The following NOL10 variants were observed in gnomAD, a reference collection of about 807,000 sequenced individuals.
NOL10 encodes nucleolar protein 10.
NOL10 carries 58 observed loss-of-function variants against 103.5 expected under a neutral mutation model. The ratio of observed to expected loss-of-function variants is 0.56; its 90% confidence interval spans 0.45 to 0.70. The LOEUF (loss-of-function observed/expected upper bound fraction) is 0.70. NOL10 is among the 30% of genes least tolerant of loss of function. The probability of loss-of-function intolerance (pLI) is 0.00; values close to 1 mark genes in which losing one functional copy is unlikely to be tolerated. For synonymous variants in NOL10, 287 were observed against 282.5 expected (o/e 1.02, Z -0.16); for missense variants, 763 against 807.3 (o/e 0.95, Z 0.67).
At chr2:10,678,213 TA>T (rs1302132508) in intron 3 of NOL10, among the ~76,000 whole-genome samples, 3 of 131,538 alleles carry the variant, frequency 2.3e-5, no homozygotes, top group African/African-American at 9.6e-5. Context: ...CACTTTCAGC[TA>T]ATTTTTTTTT....
At chr2:10,605,546 G>A (rs1047613356) in intron 14 of NOL10, among the ~76,000 whole-genome samples, 23 of 152,152 alleles carry the variant, frequency 1.5e-4, no homozygotes, top group African/African-American at 4.8e-4. Flanking sequence ...TTAAAAATGA[G>A]CAGTACAATT....
At chr2:10,666,179 G>A (rs1680555873) in intron 8 of NOL10, among the ~76,000 whole-genome samples, 1 of 152,134 alleles carries the variant, frequency 6.6e-6, no homozygotes, top group Non-Finnish European at 1.5e-5. Flanking sequence ...TAGGGTAACA[G>A]CCTCCAGCTG....
intron 17 of NOL10, among the ~76,000 whole-genome samples, chr2:10,595,749 TAC>T (rs1675654878): frequency 6.6e-6 from 1 of 151,618 alleles, no homozygotes; most frequent in Non-Finnish European, 1.5e-5. Flanking sequence ...GGATTACAGG[TAC>T]GCACCACCAC....
intron 19 of NOL10, 87 bp from the exon 20 acceptor site, chr2:10,577,825 G>A (rs1261555024): frequency 3.2e-5 from 27 of 836,346 alleles, no homozygotes; most frequent in African/African-American, 3.4e-5. Context: ...AATTGATAGC[G>A]AAGAAAAATG....
intron 3 of NOL10, among the ~76,000 whole-genome samples, chr2:10,679,220 G>A (rs566849754): frequency 1.3e-5 from 2 of 152,062 alleles, no homozygotes; most frequent in South Asian, 2.1e-4. Flanking sequence ...TTAGCCGGGC[G>A]TGGTGGTGCA....
At position 10,623,976 on chromosome 2, in the gene NOL10, C is replaced by T. The variant is rs559531695; in HGVS notation, c.1027-16665G>A. ...TACAAAAAGGTCTTTATTCTTGTTG[C>T]ACAGCTGTTGTTTGGGGACTTCCCT... is the stretch of plus-strand genomic sequence containing the variant. On this transcript the variant is annotated intron_variant, in intron 13 of 20. Coordinates refer to ENST00000381685, the MANE Select transcript of NOL10 (RefSeq NM_024894.4). 3.3e-5 allele frequency among the ~76,000 whole-genome samples: 5 copies of T among 152,284 alleles called. No individual in the cohort carries two copies. In the South Asian group the frequency reaches 1.0e-3, roughly 32 times the overall value.
intron 9 of NOL10, among the ~76,000 whole-genome samples, chr2:10,661,069 AAC>A (rs911336990): frequency 6.6e-6 from 1 of 152,066 alleles, no homozygotes; most frequent in Non-Finnish European, 1.5e-5. Flanking sequence ...ACGATGTGGT[AAC>A]ACTTTATTTA....
At chr2:10,642,321 A>G (rs1345527575) in intron 13 of NOL10, among the ~76,000 whole-genome samples, 3 of 152,208 alleles carry the variant, frequency 2.0e-5, no homozygotes, top group East Asian at 3.9e-4. Context: ...AAGAGCCACA[A>G]CTACTAGAAA....
chr2:10,679,729 G>A lies in NOL10; in HGVS notation c.211+2242C>T, dbSNP rs562617846. 5.9e-5 allele frequency among the ~76,000 whole-genome samples: 9 copies of A among 152,164 alleles called. No individual in the cohort carries two copies. In the South Asian group the frequency reaches 1.7e-3, roughly 28 times the overall value. Reference sequence around the variant, plus strand: ...CAACCTCCGCCACATGGGTTCAAGCGATTCTCATGCCTCAGCCTCCAAGTA... The same window carrying A: ...CAACCTCCGCCACATGGGTTCAAGCAATTCTCATGCCTCAGCCTCCAAGTA... On this transcript the variant is annotated intron_variant, in intron 3 of 20. Transcript: ENST00000381685.
chr2:10,607,185 C>A lies in NOL10; in HGVS notation c.1153G>T (p.Gly385Trp). The stretch of plus-strand genomic sequence containing the variant: ...TATTTCATCACAATTTTTTTTTTAC[C>A]TAAATTTTCAAGGTCTTTCTTGGTG... ...FVTKKDLENL[G>W]LTHLIGSPFL... Residue 385 changes from glycine to tryptophan, a missense_variant and splice_region_variant, in exon 14 of 21, where the codon GGG becomes TGG. Gly to Trp is a radical substitution (Grantham distance 184). Transcript: ENST00000381685. The A allele has an allele frequency of 2.0e-6, 3 of 1,524,152 alleles. No homozygotes were observed. The highest frequency in any genetic ancestry group is 1.4e-5 in the African/African-American group (1 of 70,654). The allele number at this position is 1,524,152 out of a possible 1,614,324, so 94.4% of individuals were successfully genotyped here.
At position 10,668,661 on chromosome 2, in the gene NOL10, G is replaced by C; in HGVS notation, c.527C>G (p.Ala176Gly). 1 of 1,509,418 alleles carries C rather than the reference G, an allele frequency of 6.6e-7. No individual in the cohort carries two copies. Among genetic ancestry groups the C allele is most frequent in the East Asian group, 2.3e-5 (1 of 43,276 alleles). 93.5% of individuals were successfully genotyped at this position (1,509,418 alleles called of 1,614,324 possible). A position where few individuals can be genotyped will look rare whatever the true frequency, so the allele number is the denominator to read the frequency against. ...CAGAATTACTAAAACTACTCACGCA[G>C]CATCAGTTTGTAGAGGATTCAGGTA... ...GRYLNPLQTD[A>G]AENNVCDINS... Residue 176 changes from alanine to glycine, a missense_variant, in exon 7 of 21, where the codon GCT becomes GGT. Physicochemically the swap from Ala to Gly is moderately conservative, Grantham distance 60. Transcript: ENST00000381685.
chr2:10,666,636 T>A (rs1680582647), intron 8 of NOL10, among the ~76,000 whole-genome samples: 1 of 152,258 alleles, frequency 6.6e-6, no homozygotes, highest in South Asian at 2.1e-4. Context: ...TAAATTTTTT[T>A]AAAATTAGTT....
intron 2 of NOL10, among the ~76,000 whole-genome samples, chr2:10,683,909 A>C (rs1340091652): frequency 6.6e-6 from 1 of 152,152 alleles, no homozygotes. Flanking sequence ...TAACAGGCTA[A>C]CTTATTAGTT....
intron 14 of NOL10, among the ~76,000 whole-genome samples, chr2:10,604,517 T>C (rs1676145147): frequency 6.6e-6 from 1 of 152,178 alleles, no homozygotes; most frequent in Admixed American, 6.5e-5. Context: ...ACTTTCACAA[T>C]GGAGTCCTAA....
chr2:10,635,086 C>A (rs1441254048), intron 13 of NOL10, among the ~76,000 whole-genome samples: 1 of 151,886 alleles, frequency 6.6e-6, no homozygotes, highest in Non-Finnish European at 1.5e-5. Context: ...GGGATGAGAC[C>A]CAAGTCTAAA....
chr2:10,621,666 G>A (rs1320209161), intron 13 of NOL10, among the ~76,000 whole-genome samples: 2 of 152,146 alleles, frequency 1.3e-5, no homozygotes, highest in South Asian at 2.1e-4. Context: ...CAGTAAGGTC[G>A]ACAGATACCC....
chr2:10,675,614 G>A (rs1051710226), intron 4 of NOL10, among the ~76,000 whole-genome samples, 180 bp downstream of exon 4: 2 of 95,956 alleles, frequency 2.1e-5, no homozygotes, highest in African/African-American at 8.2e-5. Context: ...AACCTGCATA[G>A]ACTTAAGATC....
At chr2:10,655,577 G>A (rs1679794161) in intron 11 of NOL10, among the ~76,000 whole-genome samples, 1 of 152,156 alleles carries the variant, frequency 6.6e-6, no homozygotes, top group Admixed American at 6.5e-5. Flanking sequence ...CTAAGAAGGT[G>A]GGTGTGGAAA....
At chr2:10,689,465 T>C (rs1406973008) in intron 1 of NOL10, among the ~76,000 whole-genome samples, 1 of 152,108 alleles carries the variant, frequency 6.6e-6, no homozygotes, top group South Asian at 2.1e-4. Context: ...TCTGCCACGT[T>C]TTCCTCCTCG....
Sources: gnomAD v4.1 joint callset for allele counts (sites outside exome capture counted in the v4.1 genomes callset) on GRCh38, gnomAD v4.1.1 for gene constraint, MANE v1.5 for transcripts, NCBI Gene and HGNC (gene_info 2026-07-23, HGNC 2026-07-21) for gene names.